The following DPH6 variants were observed in gnomAD, a reference collection of about 807,000 sequenced individuals.
DPH6 encodes diphthine--ammonia ligase.
DPH6 carries 33 observed loss-of-function variants against 38.2 expected under a neutral mutation model. The observed-to-expected ratio is 0.86, with a 90% CI of 0.65 to 1.15. The LOEUF is 1.15. Among genes scored for constraint, DPH6 ranks in the 50% most tolerant of loss-of-function variants. The pLI, the probability that DPH6 is intolerant of heterozygous loss-of-function variation, is 0.00. For missense variants in DPH6, 325 were observed against 320.0 expected (o/e 1.02, Z -0.12); for synonymous variants, 108 against 103.0 (o/e 1.05, Z -0.30).
At chr15:35,401,749 A>G (rs2053222835) in intron 6 of DPH6, 2 of 695,086 alleles carry the variant, frequency 2.9e-6, no homozygotes, top group African/African-American at 3.5e-5. Flanking sequence ...GGTAGCTACG[A>G]CAGTGGCAGA....
At position 35,387,696 on chromosome 15, in the gene DPH6, T is replaced by A. The variant is rs149661545; in HGVS notation, c.568-5780A>T. ...GTGACTTTTGCACATTGATTTTGTATCCTGAGACTTTGCTGAAGTTGCTTA... is the reference window on the plus strand; with the variant it reads ...GTGACTTTTGCACATTGATTTTGTAACCTGAGACTTTGCTGAAGTTGCTTA... On this transcript the variant is annotated intron_variant, in intron 6 of 8. Transcript: ENST00000256538. Among the ~76,000 whole-genome samples the A allele has an allele frequency of 4.1e-3, 620 of 152,320 alleles. 2 individuals carry two copies. Among genetic ancestry groups the A allele is most frequent in the Non-Finnish European group, 6.9e-3 (472 of 68,016 alleles).
intron 7 of DPH6, among the ~76,000 whole-genome samples, chr15:35,380,813 T>G (rs1427030091): frequency 6.6e-6 from 1 of 152,256 alleles, no homozygotes; most frequent in Non-Finnish European, 1.5e-5. Context: ...TTCTACCCCT[T>G]TGAAGGCAGA....
chr15:35,162,762 C>T, the DPH6 span, among the ~76,000 whole-genome samples: 30,356 of 151,804 alleles, frequency 0.2, 3,256 homozygotes, highest in East Asian at 0.39. Context: ...AGAGCCTCCA[C>T]TCAAGAGCAG....
At chr15:35,181,086 A>G in the DPH6 span, among the ~76,000 whole-genome samples, 11 of 152,254 alleles carry the variant, frequency 7.2e-5, no homozygotes, top group South Asian at 2.1e-4. Flanking sequence ...TCCACCACCA[A>G]TTGGCTTTGA....
the DPH6 span, among the ~76,000 whole-genome samples, chr15:35,150,832 A>C: frequency 7.2e-5 from 11 of 152,360 alleles, no homozygotes; most frequent in Non-Finnish European, 1.5e-4. Context: ...TTAAAAGATG[A>C]TGATGCCAAA....
chr15:35,428,065 T>A (rs1419555272), intron 5 of DPH6, among the ~76,000 whole-genome samples: 1 of 151,984 alleles, frequency 6.6e-6, no homozygotes, highest in East Asian at 1.9e-4. Context: ...GCAGCAAGAT[T>A]TTTATGTATC....
chr15:35,391,453 AG>A (rs1271144667), intron 6 of DPH6, among the ~76,000 whole-genome samples: 34 of 152,308 alleles, frequency 2.2e-4, no homozygotes, highest in African/African-American at 7.7e-4. Context: ...GAGCCTACAG[AG>A]GCAGGCAGGC....
chr15:35,385,148 G>C (rs916395153), intron 6 of DPH6, among the ~76,000 whole-genome samples: 2 of 152,152 alleles, frequency 1.3e-5, no homozygotes, highest in African/African-American at 2.4e-5. Flanking sequence ...GGAAAAATAG[G>C]AACACTTTTA....
intron 3 of DPH6, among the ~76,000 whole-genome samples, chr15:35,246,261 A>C (rs1402863999): frequency 3.3e-5 from 5 of 152,206 alleles, no homozygotes; most frequent in Non-Finnish European, 5.9e-5. Context: ...ACGTGAAAGT[A>C]AGTTTCATTG....
chr15:35,168,727 G>T, the DPH6 span, among the ~76,000 whole-genome samples: 1 of 152,042 alleles, frequency 6.6e-6, no homozygotes, highest in Admixed American at 6.6e-5. Flanking sequence ...TGAGACCGTG[G>T]AATGTCAGCA....
intron 3 of DPH6, among the ~76,000 whole-genome samples, chr15:35,508,322 C>T (rs1208226822): frequency 6.6e-6 from 1 of 152,080 alleles, no homozygotes; most frequent in Admixed American, 6.6e-5. Context: ...AATTTTGATG[C>T]AGAGGCATAA....
the DPH6 span, among the ~76,000 whole-genome samples, chr15:35,146,952 G>A: frequency 2.5e-3 from 383 of 152,110 alleles, 3 homozygotes; most frequent in South Asian, 0.016. Context: ...ATCAAAGTGG[G>A]GACAACACTC....
At chr15:35,287,195 A>G (rs2051949218) in intron 3 of DPH6, among the ~76,000 whole-genome samples, 1 of 152,196 alleles carries the variant, frequency 6.6e-6, no homozygotes, top group Non-Finnish European at 1.5e-5. Flanking sequence ...TATTAGAAAA[A>G]TAATGTTCAC....
At chr15:35,542,211 T>C (rs541059793) in intron 2 of DPH6, among the ~76,000 whole-genome samples, 1 of 152,228 alleles carries the variant, frequency 6.6e-6, no homozygotes, top group African/African-American at 2.4e-5. Flanking sequence ...TAATAGTGCA[T>C]CTCTATAGAA....
chr15:35,310,101 A>G (rs1360067485), intron 3 of DPH6, among the ~76,000 whole-genome samples: 1 of 152,210 alleles, frequency 6.6e-6, no homozygotes, highest in Non-Finnish European at 1.5e-5. Context: ...CAGACCAATT[A>G]AATCAGAATG....
At chr15:35,432,090 G>A (rs929107789) in intron 5 of DPH6, among the ~76,000 whole-genome samples, 1 of 152,170 alleles carries the variant, frequency 6.6e-6, no homozygotes, top group African/African-American at 2.4e-5. Context: ...AGATTCTAAT[G>A]TGCAGCCATG....
rs757335464 is a variant in DPH6 at position 35,372,172 on chromosome 15, G to C, written c.782C>G (p.Ser261Cys). Reference sequence around the variant, plus strand: ...TTTTCAAAAATTATATATATAATTAGATGTTCTGTAGTTGTCAGGCACTGA... The same window carrying C: ...TTTTCAAAAATTATATATATAATTACATGTTCTGTAGTTGTCAGGCACTGA... ...VSSVPDNYRT[S>C]NYIYNF Residue 261 changes from serine (S) to cysteine (C), a missense_variant, in exon 9 of 9, where the codon TCT becomes TGT. Coordinates refer to ENST00000256538, the MANE Select transcript of DPH6 (RefSeq NM_080650.4). 1.8e-5 allele frequency: 27 copies of C among 1,521,516 alleles called. No homozygotes were observed. The highest frequency in any genetic ancestry group is 4.3e-5 in the Admixed American group (2 of 45,998). 94.3% of individuals were successfully genotyped at this position (1,521,516 alleles called of 1,614,324 possible). A position where few individuals can be genotyped will look rare whatever the true frequency, so the allele number is the denominator to read the frequency against.
At chr15:35,426,269 CAATT>C (rs2053570039) in intron 5 of DPH6, among the ~76,000 whole-genome samples, 1 of 151,688 alleles carries the variant, frequency 6.6e-6, no homozygotes, top group Admixed American at 6.6e-5. Flanking sequence ...ATTCAAATCA[CAATT>C]AACTCTACTT....
chr15:35,493,734 G>C (rs1425099035), intron 3 of DPH6, among the ~76,000 whole-genome samples: 1 of 152,112 alleles, frequency 6.6e-6, no homozygotes, highest in Non-Finnish European at 1.5e-5. Context: ...CTGGTTTGGT[G>C]TAGGAAGAGG....
Sources: gnomAD v4.1 joint callset for allele counts (sites outside exome capture counted in the v4.1 genomes callset) on GRCh38, gnomAD v4.1.1 for gene constraint, MANE v1.5 for transcripts, NCBI Gene and HGNC (gene_info 2026-07-23, HGNC 2026-07-21) for gene names.